CHRM3: variants seen among roughly 807,000 people sequenced by gnomAD.
CHRM3 encodes the protein muscarinic acetylcholine receptor M3.
CHRM3 carries 11 observed loss-of-function variants against 41.8 expected under a neutral mutation model. That is an observed-to-expected ratio of 0.26 (90% confidence interval 0.17 to 0.44). The LOEUF (loss-of-function observed/expected upper bound fraction) is 0.44, where lower values mean the gene tolerates loss of function less well. Among genes scored for constraint, CHRM3 ranks in the 20% least tolerant of loss-of-function variants. CHRM3 has a pLI of 1.00. For missense variants in CHRM3, 571 were observed against 745.4 expected, an observed-to-expected ratio of 0.77 and a Z score of 2.72; for synonymous variants, 297 against 301.4, an observed-to-expected ratio of 0.99 and a Z score of 0.15.
At chr1:239,651,038 A>G (rs1406537193) in intron 4 of CHRM3, among the ~76,000 whole-genome samples, 3 of 152,250 alleles carry the variant, frequency 2.0e-5, no homozygotes, top group African/African-American at 4.8e-5. Flanking sequence ...GGCTCATGAC[A>G]GCAAACCTAG....
intron 3 of CHRM3, among the ~76,000 whole-genome samples, chr1:239,602,910 T>A (rs1288623822): frequency 1.3e-5 from 2 of 152,308 alleles, no homozygotes; most frequent in East Asian, 3.9e-4. Flanking sequence ...AAGTACACTG[T>A]TGTTCAGTAA....
intron 6 of CHRM3, among the ~76,000 whole-genome samples, chr1:239,829,029 G>A (rs1399597398): frequency 6.6e-6 from 1 of 152,168 alleles, no homozygotes. Context: ...CAGGTGTGCA[G>A]ACACTTGCTT....
intron 1 of CHRM3, among the ~76,000 whole-genome samples, chr1:239,404,350 GAGAAAGAAAGAA>G (rs1178581793): frequency 0.024 from 1,618 of 68,652 alleles, 67 homozygotes; most frequent in Non-Finnish European, 0.03. Flanking sequence ...GAAAGAGAAA[GAGAAAGAAAGAA>G]AGAAAGAAAG....
At chr1:239,834,811 A>G (rs191323683) in intron 6 of CHRM3, among the ~76,000 whole-genome samples, 3,024 of 152,128 alleles carry the variant, frequency 0.02, 111 homozygotes, top group African/African-American at 0.069. Context: ...CTACCCCACG[A>G]TCTAGTACCA....
At chr1:239,886,395 A>G (rs778738785) in intron 6 of CHRM3, 6 of 152,186 alleles carry the variant, frequency 3.9e-5, no homozygotes, top group Non-Finnish European at 7.4e-5. Context: ...AATTTAAAAT[A>G]TCACAGGGAA....
intron 4 of CHRM3, among the ~76,000 whole-genome samples, chr1:239,640,115 C>T (rs937915737): frequency 6.6e-6 from 1 of 151,424 alleles, no homozygotes; most frequent in African/African-American, 2.4e-5. Context: ...GGGATGAAGC[C>T]CACTTGATCA....
chr1:239,562,908 AG>A (rs955235255), intron 3 of CHRM3, among the ~76,000 whole-genome samples: 7 of 150,738 alleles, frequency 4.6e-5, no homozygotes, highest in Admixed American at 1.3e-4. Flanking sequence ...AAAAAAAAAA[AG>A]GTGTTATTCA....
At chr1:239,559,050 ACTTC>A (rs1204506671) in intron 3 of CHRM3, among the ~76,000 whole-genome samples, 1 of 152,166 alleles carries the variant, frequency 6.6e-6, no homozygotes. Context: ...ACCAATATGC[ACTTC>A]CTTAACCACT....
intron 1 of CHRM3, among the ~76,000 whole-genome samples, chr1:239,480,870 A>G (rs1368591073): frequency 1.3e-5 from 2 of 152,106 alleles, no homozygotes; most frequent in South Asian, 2.1e-4. Context: ...TAGCCTAAAT[A>G]TTATAACAAA....
rs1292239308 is a variant in CHRM3 at position 239,627,423 on chromosome 1, T to C, written c.-312-4801T>C. On this transcript the variant is annotated intron_variant, in intron 3 of 6. Coordinates refer to ENST00000676153, the MANE Select transcript of CHRM3 (RefSeq NM_001375978.1). ...CTGCACGTGAGATGGGTTTCCTGAATACAGCACACTGCTGGGTCTTGACTC... is the reference window on the plus strand; with the variant it reads ...CTGCACGTGAGATGGGTTTCCTGAACACAGCACACTGCTGGGTCTTGACTC... 1.9e-3 allele frequency among the ~76,000 whole-genome samples: 230 copies of C among 120,724 alleles called. 10 individuals are homozygous for C. The highest frequency in any genetic ancestry group is 2.3e-3 in the Non-Finnish European group (130 of 56,890). The allele number at this position is 120,724 out of a possible 152,430, so 79.2% of individuals were successfully genotyped here.
intron 3 of CHRM3, among the ~76,000 whole-genome samples, chr1:239,582,917 G>C (rs1369570507): frequency 6.6e-6 from 1 of 152,134 alleles, no homozygotes; most frequent in African/African-American, 2.4e-5. Context: ...CTGGTCCTCA[G>C]TGAGCTCTCC....
intron 4 of CHRM3, among the ~76,000 whole-genome samples, chr1:239,643,531 TA>T (rs1198632585): frequency 1.3e-5 from 2 of 152,192 alleles, no homozygotes; most frequent in East Asian, 3.9e-4. Flanking sequence ...ACTGCTGTGC[TA>T]GTAATCAGCG....
intron 1 of CHRM3, among the ~76,000 whole-genome samples, chr1:239,396,209 C>A (rs1406276341): frequency 6.6e-6 from 1 of 152,034 alleles, no homozygotes; most frequent in Non-Finnish European, 1.5e-5. Context: ...TGTGTGTGTG[C>A]CACAAATTGT....
At chr1:239,556,560 A>G (rs925536003) in intron 3 of CHRM3, among the ~76,000 whole-genome samples, 14 of 152,184 alleles carry the variant, frequency 9.2e-5, no homozygotes, top group Non-Finnish European at 2.1e-4. Flanking sequence ...TACCCAAAGT[A>G]CTAACAACCT....
intron 6 of CHRM3, among the ~76,000 whole-genome samples, chr1:239,881,907 CT>C (rs1677669669): frequency 6.6e-6 from 1 of 150,536 alleles, no homozygotes. Flanking sequence ...TCAATGTATT[CT>C]TTTTTGTTTT....
intron 2 of CHRM3, among the ~76,000 whole-genome samples, chr1:239,509,854 G>A (rs1056539671): frequency 2.0e-5 from 3 of 152,146 alleles, no homozygotes; most frequent in Admixed American, 6.5e-5. Context: ...TTGGGAGGCC[G>A]AAGTGGGCAG....
intron 3 of CHRM3, among the ~76,000 whole-genome samples, chr1:239,613,811 A>G (rs1214826492): frequency 2.6e-5 from 4 of 151,876 alleles, no homozygotes; most frequent in African/African-American, 9.7e-5. Context: ...CTCAACCCGC[A>G]GTAATGACTC....
rs539229878 is a variant in CHRM3, at chr1:239,883,387, C to T, written c.-19-24046C>T. Among the ~76,000 whole-genome samples, 191 of 152,282 alleles carry T rather than the reference C, an allele frequency of 1.3e-3. 8 individuals are homozygous for T. In the South Asian group the frequency reaches 0.037, roughly 30 times the overall value. On this transcript the variant is annotated intron_variant, in intron 6 of 6. Coordinates refer to ENST00000676153, the MANE Select transcript of CHRM3 (RefSeq NM_001375978.1). ...TCATTTGCAGCACTTCAGTTAGGTCCATCCATGCTTTTTGAAGCTTTTTCT... is the reference window on the plus strand; with the variant it reads ...TCATTTGCAGCACTTCAGTTAGGTCTATCCATGCTTTTTGAAGCTTTTTCT...
chr1:239,580,258 T>TCACACA (rs374479816), intron 3 of CHRM3, among the ~76,000 whole-genome samples: 22 of 132,776 alleles, frequency 1.7e-4, no homozygotes, highest in South Asian at 5.4e-4. Context: ...ATACACACTG[T>TCACACA]CACACACACA....
Sources: allele counts gnomAD v4.1 joint callset (sites outside exome capture counted in the v4.1 genomes callset), GRCh38; gene constraint gnomAD v4.1.1; transcripts MANE v1.5; gene names NCBI Gene and HGNC (gene_info 2026-07-23, HGNC 2026-07-21).